PTPRD: variants seen among roughly 807,000 people sequenced by gnomAD.
PTPRD encodes receptor-type tyrosine-protein phosphatase delta.
Under a neutral mutation model 214.5 loss-of-function variants are expected in PTPRD, and 34 were observed. The observed-to-expected ratio is 0.16, with a 90% CI of 0.12 to 0.21. The LOEUF is 0.21. Among genes scored for constraint, PTPRD ranks in the 10% least tolerant of loss-of-function variants. PTPRD has a pLI of 1.00. For missense variants in PTPRD, 2,545 were observed against 2,398.7 expected (o/e 1.06, Z -1.27); for synonymous variants, 1,128 against 845.7 (o/e 1.33, Z -5.79).
chr9:9,969,589 T>G (rs529692729), intron 4 of PTPRD, among the ~76,000 whole-genome samples: 70 of 152,326 alleles, frequency 4.6e-4, no homozygotes, highest in African/African-American at 1.6e-3. Context: ...CATTATATTG[T>G]AAACACAGAG....
intron 11 of PTPRD, among the ~76,000 whole-genome samples, chr9:8,781,670 A>C (rs2095703979): frequency 6.6e-6 from 1 of 152,134 alleles, no homozygotes; most frequent in Admixed American, 6.5e-5. Context: ...CTTTAATGAA[A>C]TGAAATGAAT....
At chr9:10,245,348 C>G (rs146349812) in intron 3 of PTPRD, among the ~76,000 whole-genome samples, 341 of 152,220 alleles carry the variant, frequency 2.2e-3, no homozygotes, top group Middle Eastern at 3.4e-3. Context: ...ATCTGATAAT[C>G]AAAGTATTGA....
chr9:8,829,726 C>A (rs2097251172), intron 11 of PTPRD, among the ~76,000 whole-genome samples: 1 of 152,058 alleles, frequency 6.6e-6, no homozygotes, highest in Admixed American at 6.6e-5. Context: ...TTTGACAGCA[C>A]AGAACAATGA....
At chr9:8,821,735 G>A (rs1376391938) in intron 11 of PTPRD, among the ~76,000 whole-genome samples, 2 of 152,108 alleles carry the variant, frequency 1.3e-5, no homozygotes, top group Non-Finnish European at 1.5e-5. Flanking sequence ...GCACAATCTC[G>A]GCTCACGGCA....
chr9:9,837,236 C>A (rs369997506), intron 5 of PTPRD, among the ~76,000 whole-genome samples: 12 of 152,132 alleles, frequency 7.9e-5, no homozygotes, highest in African/African-American at 2.6e-4. Flanking sequence ...AAGAAATGGG[C>A]ATCATCCAGG....
intron 3 of PTPRD, among the ~76,000 whole-genome samples, chr9:10,196,453 A>C (rs1219267328): frequency 2.0e-5 from 3 of 152,170 alleles, no homozygotes; most frequent in African/African-American, 7.2e-5. Context: ...AGGTCACCTG[A>C]ACATCCGTCG....
chr9:8,625,436 A>T lies in PTPRD; in HGVS notation c.352+7881T>A, dbSNP rs368427746. On this transcript the variant is annotated intron_variant, in intron 14 of 45. Coordinates refer to ENST00000381196, the MANE Select transcript of PTPRD (RefSeq NM_002839.4). The stretch of plus-strand genomic sequence containing the variant: ...GAAAGAACTATGTATGCCGATACTT[A>T]GAAAGGTAGAAAATATCTAAAAACT... 5.9e-5 allele frequency among the ~76,000 whole-genome samples: 9 copies of T among 151,974 alleles called. No individual in the cohort carries two copies. In the South Asian group the frequency reaches 6.2e-4, roughly 10 times the overall value.
chr9:9,472,213 T>C (rs80269607), intron 8 of PTPRD, among the ~76,000 whole-genome samples: 1 of 148,268 alleles, frequency 6.7e-6, no homozygotes, highest in East Asian at 2.0e-4. Flanking sequence ...TTTTCTTTTT[T>C]TGAGACGGAG....
chr9:8,479,476 A>G (rs2096835133), intron 30 of PTPRD, among the ~76,000 whole-genome samples: 1 of 152,216 alleles, frequency 6.6e-6, no homozygotes, highest in Non-Finnish European at 1.5e-5. Context: ...TCAAAGTTTT[A>G]TACCTTTTCC....
At chr9:9,149,160 C>T (rs916471957) in intron 10 of PTPRD, among the ~76,000 whole-genome samples, 1 of 152,124 alleles carries the variant, frequency 6.6e-6, no homozygotes, top group Admixed American at 6.6e-5. Flanking sequence ...ATAAAATTAT[C>T]GCTCACCTCA....
chr9:10,384,673 A>G (rs2097882423), intron 2 of PTPRD, among the ~76,000 whole-genome samples: 1 of 151,650 alleles, frequency 6.6e-6, no homozygotes, highest in Admixed American at 6.6e-5. Flanking sequence ...ATAAGAAATA[A>G]GAACGTTTGT....
At chr9:9,275,077 T>TA (rs1201925725) in intron 9 of PTPRD, among the ~76,000 whole-genome samples, 1 of 76,216 alleles carries the variant, frequency 1.3e-5, no homozygotes, top group Non-Finnish European at 2.5e-5. Flanking sequence ...TATATATATA[T>TA]ATATAATATA....
intron 3 of PTPRD, among the ~76,000 whole-genome samples, chr9:10,224,509 T>C (rs971817692): frequency 1.3e-5 from 2 of 152,086 alleles, no homozygotes; most frequent in Non-Finnish European, 2.9e-5. Flanking sequence ...ATTTAAATTA[T>C]CGTATGATTT....
intron 14 of PTPRD, among the ~76,000 whole-genome samples, chr9:8,558,766 C>T (rs2084975828): frequency 6.6e-6 from 1 of 152,120 alleles, no homozygotes; most frequent in Non-Finnish European, 1.5e-5. Context: ...ATAGGGTGAA[C>T]ATCCTTTATG....
At chr9:10,375,088 G>C (rs1390267602) in intron 2 of PTPRD, among the ~76,000 whole-genome samples, 2 of 151,958 alleles carry the variant, frequency 1.3e-5, no homozygotes, top group South Asian at 2.1e-4. Context: ...AAATTGGCTG[G>C]ATCAATAAGC....
At chr9:9,655,864 G>C (rs144819624) in intron 7 of PTPRD, among the ~76,000 whole-genome samples, 2 of 152,018 alleles carry the variant, frequency 1.3e-5, no homozygotes, top group African/African-American at 2.4e-5. Context: ...TGTAATCCGA[G>C]ATACTCAGGA....
chr9:10,379,657 C>T (rs1299648414), intron 2 of PTPRD, among the ~76,000 whole-genome samples: 1 of 151,898 alleles, frequency 6.6e-6, no homozygotes, highest in African/African-American at 2.4e-5. Flanking sequence ...TATAACAGTT[C>T]AAAAAGAATA....
chr9:10,205,289 G>C (rs2099464864), intron 3 of PTPRD, among the ~76,000 whole-genome samples: 2 of 151,804 alleles, frequency 1.3e-5, no homozygotes, highest in Non-Finnish European at 2.9e-5. Flanking sequence ...TAAATGAACA[G>C]AAAATTTGAA....
At chr9:9,698,678 G>C (rs1408941176) in intron 7 of PTPRD, among the ~76,000 whole-genome samples, 5 of 152,136 alleles carry the variant, frequency 3.3e-5, no homozygotes, top group African/African-American at 1.2e-4. Context: ...TGCTTCCTAT[G>C]GGTTGAGGCA....
Sources: allele counts gnomAD v4.1 joint callset (sites outside exome capture counted in the v4.1 genomes callset), GRCh38; gene constraint gnomAD v4.1.1; transcripts MANE v1.5; gene names NCBI Gene and HGNC (gene_info 2026-07-23, HGNC 2026-07-21).